The following LARP1 variants were observed in gnomAD, a reference collection of about 807,000 sequenced individuals.
The protein encoded by LARP1 is La ribonucleoprotein 1, translational regulator.
A neutral mutation model predicts 122.7 loss-of-function variants in LARP1; 36 were observed. That is an observed-to-expected ratio of 0.29 (90% CI 0.22 to 0.39). LARP1 has a LOEUF of 0.39. Ranked by LOEUF, LARP1 falls within the 10% of genes least tolerant of loss-of-function variation. The probability of loss-of-function intolerance (pLI) is 1.00; values close to 1 mark genes in which losing one functional copy is unlikely to be tolerated. For synonymous variants in LARP1, 539 were observed against 528.7 expected, an observed-to-expected ratio of 1.02 and a Z score of -0.27; for missense variants, 1,040 against 1,403.6, an observed-to-expected ratio of 0.74 and a Z score of 4.14.
intron 18 of LARP1, among the ~76,000 whole-genome samples, chr5:154,813,582 T>C (rs898042192): frequency 6.6e-6 from 1 of 152,166 alleles, no homozygotes; most frequent in African/African-American, 2.4e-5. Flanking sequence ...AATTTTGTCT[T>C]TATCGGTTAC....
At position 154,756,403 on chromosome 5, in the gene LARP1, G is replaced by A. The variant is rs75764972; in HGVS notation, c.436+210G>A. ...GCCCCTGCCCGAGGGCCCGGCCTCC[G>A]GGAGGCTACGGCCACCGCCTGGGCC... On this transcript the variant is annotated intron_variant, in intron 1 of 18. Transcript: ENST00000518297. 1.1e-3 allele frequency: 1,054 copies of A among 995,880 alleles called. 6 individuals carry two copies. The African/African-American group carries it at 0.017, about 16-fold the overall frequency. The allele number at this position is 995,880 out of a possible 1,614,324, so 61.7% of individuals were successfully genotyped here.
Position 154,806,574 on chromosome 5 carries a change from T to C in LARP1, c.2698+542T>C, listed in dbSNP as rs1255922441. Among the ~76,000 whole-genome samples the C allele has an allele frequency of 2.6e-5, 4 of 152,386 alleles. No homozygotes were observed. In the East Asian group the frequency reaches 7.7e-4, roughly 29 times the overall value. The stretch of plus-strand genomic sequence containing the variant: ...TCTCTGTCCCTTTACAAAAGTAGTT[T>C]GCTGATCCCCTCTCTAGATGATAGT... On this transcript the variant is annotated intron_variant, in intron 15 of 18. Transcript: ENST00000518297.
chr5:154,712,923 T>C, exon 1 of LARP1: 5 of 1,614,056 alleles, frequency 3.1e-6, no homozygotes, highest in South Asian at 2.2e-5. Context: ...CCCTGGTCAC[T>C]CCATGCTTTG....
intron 1 of LARP1, among the ~76,000 whole-genome samples, chr5:154,707,428 G>A (rs1197018184): frequency 6.6e-6 from 1 of 152,170 alleles, no homozygotes; most frequent in East Asian, 1.9e-4. Context: ...CTAGAAAATA[G>A]TCTAAGTACA....
At chr5:154,691,122 C>T (rs1180302131) in intron 1 of LARP1, among the ~76,000 whole-genome samples, 3 of 151,642 alleles carry the variant, frequency 2.0e-5, no homozygotes, top group Non-Finnish European at 4.4e-5. Flanking sequence ...ATTAGCCGGG[C>T]GTGGTGGCGG....
chr5:154,701,182 C>T (rs1410188923), intron 1 of LARP1, among the ~76,000 whole-genome samples: 2 of 152,040 alleles, frequency 1.3e-5, no homozygotes, highest in African/African-American at 2.4e-5. Flanking sequence ...TGGCAAGTGC[C>T]TCACTTGCCT....
intron 1 of LARP1, among the ~76,000 whole-genome samples, chr5:154,741,898 G>A (rs905215470): frequency 6.6e-6 from 1 of 152,164 alleles, no homozygotes; most frequent in Non-Finnish European, 1.5e-5. Context: ...AACACACCAG[G>A]CAATGATACC....
At chr5:154,730,101 CA>C (rs1217095659) in intron 1 of LARP1, among the ~76,000 whole-genome samples, 1 of 152,196 alleles carries the variant, frequency 6.6e-6, no homozygotes, top group Non-Finnish European at 1.5e-5. Flanking sequence ...AATATTATAA[CA>C]CCAATATTGC....
chr5:154,790,783 G>A, intron 3 of LARP1, 73 bp downstream of exon 3: 1 of 1,286,388 alleles, frequency 7.8e-7, no homozygotes, highest in Non-Finnish European at 1.1e-6. Context: ...CAAGCTTCCA[G>A]AGAGCCTCAG....
chr5:154,794,622 T>C (rs750518964), intron 7 of LARP1, among the ~76,000 whole-genome samples: 1 of 152,212 alleles, frequency 6.6e-6, no homozygotes, highest in Non-Finnish European at 1.5e-5. Flanking sequence ...AGAGGCATTA[T>C]CTTAGTCCTG....
At chr5:154,718,672 T>C (rs914815200) in intron 1 of LARP1, 4 of 152,408 alleles carry the variant, frequency 2.6e-5, no homozygotes, top group African/African-American at 9.6e-5. Context: ...ACCAGAGGCA[T>C]AGGCCATTGT....
intron 1 of LARP1, among the ~76,000 whole-genome samples, chr5:154,698,259 G>A (rs1002661370): frequency 1.3e-5 from 2 of 152,114 alleles, no homozygotes; most frequent in African/African-American, 2.4e-5. Flanking sequence ...TCATTTCTTT[G>A]TGTTGGGACA....
chr5:154,813,729 A>T (rs1459085593), intron 18 of LARP1, among the ~76,000 whole-genome samples, 158 bp from the exon 19 acceptor site: 2 of 152,250 alleles, frequency 1.3e-5, no homozygotes, highest in Non-Finnish European at 2.9e-5. Context: ...AAGGCTTGGC[A>T]TGAAGAAACG....
intron 1 of LARP1, among the ~76,000 whole-genome samples, chr5:154,728,110 A>T (rs1756338494): frequency 6.6e-6 from 1 of 152,182 alleles, no homozygotes; most frequent in African/African-American, 2.4e-5. Context: ...GCATAGGCTA[A>T]TGGCTCTCAA....
At chr5:154,745,354 T>G (rs547141767) in intron 1 of LARP1, among the ~76,000 whole-genome samples, 1 of 152,330 alleles carries the variant, frequency 6.6e-6, no homozygotes, top group South Asian at 2.1e-4. Context: ...TGTTCCACCT[T>G]CTTTGTGGGA....
intron 1 of LARP1, among the ~76,000 whole-genome samples, chr5:154,732,193 A>AC (rs11383608): frequency 0.012 from 1,222 of 100,994 alleles, 8 homozygotes; most frequent in African/African-American, 0.034. Flanking sequence ...ACAAAACAAA[A>AC]AAAAAAAAAA....
At chr5:154,770,683 T>C (rs1199621015) in intron 1 of LARP1, among the ~76,000 whole-genome samples, 2 of 152,108 alleles carry the variant, frequency 1.3e-5, no homozygotes, top group Admixed American at 1.3e-4. Context: ...GGTTTTTGAT[T>C]TCAGGTAAGA....
intron 18 of LARP1, among the ~76,000 whole-genome samples, chr5:154,812,644 T>A (rs2113049576): frequency 6.6e-6 from 1 of 151,526 alleles, no homozygotes; most frequent in East Asian, 1.9e-4. Flanking sequence ...ATTAGCCTCC[T>A]GAGTAGCTGA....
intron 1 of LARP1, among the ~76,000 whole-genome samples, chr5:154,784,178 C>G (rs929532840): frequency 1.3e-5 from 2 of 152,224 alleles, no homozygotes; most frequent in Non-Finnish European, 2.9e-5. Context: ...AGTCGCTATT[C>G]ATTAAACAAG....
Sources: gnomAD v4.1 joint callset for allele counts (sites outside exome capture counted in the v4.1 genomes callset) on GRCh38, gnomAD v4.1.1 for gene constraint, MANE v1.5 for transcripts, NCBI Gene and HGNC (gene_info 2026-07-23, HGNC 2026-07-21) for gene names.